Variants in EDA observed in about 807,000 individuals in gnomAD.
EDA encodes ectodysplasin-A.
A neutral mutation model predicts 23.6 loss-of-function variants in EDA; 2 were observed. The observed-to-expected ratio is 0.08, with a 90% CI of 0.03 to 0.27. EDA has a LOEUF of 0.27. Ranked by LOEUF, EDA falls within the 10% of genes least tolerant of loss-of-function variation. The pLI is 1.00. For synonymous variants in EDA, 131 were observed against 132.0 expected (o/e 0.99, Z 0.05); for missense variants, 229 against 324.2 (o/e 0.71, Z 2.26).
At position 69,922,805 on chromosome X, in the gene EDA, G is replaced by T. The variant is rs2018455198; in HGVS notation, c.397-34222G>T. On this transcript the variant is annotated intron_variant, in intron 1 of 7. Coordinates refer to ENST00000374552, the MANE Select transcript of EDA (RefSeq NM_001399.5). ...AGTGAATGCTAAGTCACCAGTGGCA[G>T]ACAGTGAATCACAAGAACCTTATTG... Among the ~76,000 whole-genome samples the T allele has an allele frequency of 2.7e-5, 3 of 112,183 alleles. No individual in the cohort carries two copies. The Admixed American group carries it at 2.8e-4, about 11-fold the overall frequency.
intron 1 of EDA, among the ~76,000 whole-genome samples, chrX:69,950,390 C>G (rs2018900110): frequency 9.7e-6 from 1 of 102,772 alleles, no homozygotes; most frequent in Admixed American, 1.1e-4. Context: ...ACCACAATGA[C>G]ATACCATCTC....
At chrX:69,945,183 T>C (rs927369168) in intron 1 of EDA, among the ~76,000 whole-genome samples, 4 of 111,893 alleles carry the variant, frequency 3.6e-5, no homozygotes, top group Non-Finnish European at 5.6e-5. Flanking sequence ...GGTTTCTGTA[T>C]GGATATTTGT....
chrX:69,620,145 A>G (rs1932124402), intron 1 of EDA, among the ~76,000 whole-genome samples: 1 of 112,289 alleles, frequency 8.9e-6, no homozygotes, highest in African/African-American at 3.2e-5. Flanking sequence ...TAACGTAACA[A>G]TCCAGTTCAA....
intron 1 of EDA, among the ~76,000 whole-genome samples, chrX:69,905,277 G>T (rs1011026500): frequency 2.7e-5 from 3 of 111,992 alleles, no homozygotes; most frequent in South Asian, 7.4e-4. Context: ...TTAGCCACAA[G>T]GTGTATTATT....
chrX:69,728,243 C>CAA (rs71895672), intron 1 of EDA, among the ~76,000 whole-genome samples: 47,735 of 91,813 alleles, frequency 0.52, 11,015 homozygotes, highest in Middle Eastern at 0.73. Context: ...GACTCCATCT[C>CAA]AAAAAAAAAA....
At chrX:69,834,837 TG>T in intron 1 of EDA, among the ~76,000 whole-genome samples, 1 of 111,975 alleles carries the variant, frequency 8.9e-6, no homozygotes, top group East Asian at 2.8e-4. Context: ...GGCATGTTTT[TG>T]CAGTGGCTGG....
intron 1 of EDA, among the ~76,000 whole-genome samples, chrX:69,847,136 G>A (rs1038538380): frequency 9.0e-6 from 1 of 111,336 alleles, no homozygotes. Flanking sequence ...AGAGTTGTTG[G>A]TGCTTATTGA....
chrX:69,754,408 C>A (rs2014021429), intron 1 of EDA, among the ~76,000 whole-genome samples: 1 of 112,147 alleles, frequency 8.9e-6, no homozygotes, highest in South Asian at 3.7e-4. Context: ...TCTCTTCTGA[C>A]TTGTAGAGTT....
At chrX:69,673,392 A>AG in intron 1 of EDA, among the ~76,000 whole-genome samples, 1 of 111,613 alleles carries the variant, frequency 9.0e-6, no homozygotes, top group South Asian at 3.8e-4. Flanking sequence ...GGAGTAGGAA[A>AG]GGGTGATGGA....
At position 69,878,715 on chromosome X, in the gene EDA, GACACACACAC is replaced by G. The variant is rs61027280; in HGVS notation, c.397-78287_397-78278del. 6.5e-3 allele frequency among the ~76,000 whole-genome samples: 645 copies of G among 99,102 alleles called. 2 individuals carry two copies. The highest frequency in any genetic ancestry group is 0.034 in the South Asian group (68 of 1,974). The allele number at this position is 99,102 out of a possible 115,157, so 86.1% of individuals were successfully genotyped here. A position where few individuals can be genotyped will look rare whatever the true frequency, so the allele number is the denominator to read the frequency against. Reference sequence around the variant, plus strand: ...AAATACAGCCCCTCACCTTCACCAAGACACACACACACACACACACACACACACACACACC... The same window carrying G: ...AAATACAGCCCCTCACCTTCACCAAGACACACACACACACACACACACACC... On this transcript the variant is annotated intron_variant, in intron 1 of 7. Transcript: ENST00000374552.
At chrX:69,683,090 T>G (rs1934429672) in intron 1 of EDA, among the ~76,000 whole-genome samples, 1 of 111,443 alleles carries the variant, frequency 9.0e-6, no homozygotes, top group Non-Finnish European at 1.9e-5. Context: ...TTAATACCAG[T>G]CTACTTCATA....
At chrX:69,857,525 A>G (rs1269016781) in intron 1 of EDA, among the ~76,000 whole-genome samples, 2 of 109,506 alleles carry the variant, frequency 1.8e-5, no homozygotes, top group African/African-American at 6.6e-5. Context: ...CATTTTGGCT[A>G]TGCGGGCTCT....
intron 1 of EDA, among the ~76,000 whole-genome samples, chrX:69,663,555 G>A (rs1933584461): frequency 8.9e-6 from 1 of 112,681 alleles, no homozygotes; most frequent in African/African-American, 3.2e-5. Flanking sequence ...GGCCTTCATG[G>A]AGAACCTCTG....
chrX:70,032,126 G>C (rs764998860), intron 6 of EDA, among the ~76,000 whole-genome samples: 1 of 111,264 alleles, frequency 9.0e-6, no homozygotes, highest in Non-Finnish European at 1.9e-5. Context: ...GGGCATAGTG[G>C]CACACACCTG....
At chrX:69,891,579 G>T (rs1469658862) in intron 1 of EDA, among the ~76,000 whole-genome samples, 1 of 91,023 alleles carries the variant, frequency 1.1e-5, no homozygotes, top group East Asian at 2.8e-4. Flanking sequence ...ATACTATGCA[G>T]CCATAAAAAG....
At chrX:69,724,574 T>A (rs2012718737) in intron 1 of EDA, among the ~76,000 whole-genome samples, 1 of 111,545 alleles carries the variant, frequency 9.0e-6, no homozygotes, top group Admixed American at 9.5e-5. Context: ...GACCTAAGTG[T>A]CATAGAAGTG....
intron 2 of EDA, among the ~76,000 whole-genome samples, chrX:69,961,662 T>C (rs10521347): frequency 0.1 from 11,288 of 112,131 alleles, 935 homozygotes; most frequent in East Asian, 0.61. Flanking sequence ...CTCAAACACA[T>C]GGTTAGTTTC....
intron 2 of EDA, among the ~76,000 whole-genome samples, chrX:69,993,095 A>G (rs2019611547): frequency 9.1e-6 from 1 of 110,182 alleles, no homozygotes; most frequent in African/African-American, 3.3e-5. Context: ...CACTTCAATC[A>G]TGTTTCACGT....
At chrX:69,982,290 GT>G (rs933726236) in intron 2 of EDA, among the ~76,000 whole-genome samples, 1 of 111,215 alleles carries the variant, frequency 9.0e-6, no homozygotes, top group African/African-American at 3.3e-5. Flanking sequence ...GTCAAATCTT[GT>G]TTTAGGCACA....
Sources: gnomAD v4.1 joint callset for allele counts (sites outside exome capture counted in the v4.1 genomes callset) on GRCh38, gnomAD v4.1.1 for gene constraint, MANE v1.5 for transcripts, NCBI Gene and HGNC (gene_info 2026-07-23, HGNC 2026-07-21) for gene names.